The following UNC79 variants were observed in gnomAD, a reference collection of about 807,000 sequenced individuals.
The protein encoded by UNC79 is protein unc-79 homolog.
A neutral mutation model predicts 283.1 loss-of-function variants in UNC79; 37 were observed. The ratio of observed to expected loss-of-function variants is 0.13; its 90% CI spans 0.10 to 0.17. The LOEUF (loss-of-function observed/expected upper bound fraction) is 0.17. Ranked by LOEUF, UNC79 falls within the 10% of genes least tolerant of loss-of-function variation. The pLI is 1.00. For missense variants in UNC79, 2,272 were observed against 3,211.1 expected (o/e 0.71, Z 7.07); for synonymous variants, 1,107 against 1,200.2 (o/e 0.92, Z 1.61).
chr14:93,429,874 C>T (rs2055815557), upstream of UNC79, among the ~76,000 whole-genome samples: 1 of 152,176 alleles, frequency 6.6e-6, no homozygotes, highest in African/African-American at 2.4e-5. Flanking sequence ...GGTGACAGGG[C>T]AAGGTTTTAA....
intron 47 of UNC79, among the ~76,000 whole-genome samples, chr14:93,699,559 T>G (rs2075385076): frequency 6.6e-6 from 1 of 152,164 alleles, no homozygotes; most frequent in Non-Finnish European, 1.5e-5. Context: ...TTTAATTATC[T>G]TTTAGCTGTA....
In UNC79 at chr14:93,657,653, G is replaced by T. The variant is rs531361820; in HGVS notation, c.6457-1540G>T. ...GGCGTGAGCCAAAGCGCCCGGCTGA[G>T]GTATGGCAAATTTAAATGCCTGTGT... is the stretch of plus-strand genomic sequence containing the variant. On this transcript the variant is annotated intron_variant, in intron 38 of 48. Transcript: ENST00000555664. 1.8e-4 allele frequency among the ~76,000 whole-genome samples: 27 copies of T among 152,296 alleles called. No homozygotes were observed. In the South Asian group the frequency reaches 5.6e-3, roughly 32 times the overall value.
intron 1 of UNC79, among the ~76,000 whole-genome samples, chr14:93,402,693 G>A (rs1365302737): frequency 6.6e-6 from 1 of 152,032 alleles, no homozygotes; most frequent in Non-Finnish European, 1.5e-5. Flanking sequence ...AGAATTAGAG[G>A]TTCTGAAATA....
At chr14:93,456,776 TATC>T (rs2056807159) in intron 1 of UNC79, among the ~76,000 whole-genome samples, 5 of 152,174 alleles carry the variant, frequency 3.3e-5, no homozygotes, top group Admixed American at 3.3e-4. Context: ...GTGGGGCACA[TATC>T]ATCCTATAAC....
intron 1 of UNC79, among the ~76,000 whole-genome samples, chr14:93,363,408 C>T (rs2054264415): frequency 6.6e-6 from 1 of 152,126 alleles, no homozygotes; most frequent in African/African-American, 2.4e-5. Context: ...AAAGTATGTG[C>T]CATGTGCCTC....
At chr14:93,355,061 T>C in intron 1 of UNC79, among the ~76,000 whole-genome samples, 1 of 150,902 alleles carries the variant, frequency 6.6e-6, no homozygotes. Context: ...AGAGTTTCGC[T>C]CTTATCACCC....
chr14:93,337,513 T>C (rs1483462226), intron 1 of UNC79, among the ~76,000 whole-genome samples: 1 of 152,160 alleles, frequency 6.6e-6, no homozygotes, highest in Non-Finnish European at 1.5e-5. Flanking sequence ...ACCTGGGGAT[T>C]CCCCAACCCA....
intron 35 of UNC79, among the ~76,000 whole-genome samples, chr14:93,650,349 A>T (rs1224675828): frequency 1.3e-5 from 2 of 152,156 alleles, no homozygotes; most frequent in African/African-American, 4.8e-5. Context: ...GTTGGGTTAC[A>T]GGATAGGTAT....
chr14:93,569,460 TAAG>T (rs1030037548), intron 14 of UNC79, among the ~76,000 whole-genome samples: 9 of 151,994 alleles, frequency 5.9e-5, no homozygotes, highest in African/African-American at 2.2e-4. Context: ...AAATAAAAAA[TAAG>T]AGATTGCTGT....
chr14:93,673,735 G>A (rs994526640), intron 41 of UNC79, among the ~76,000 whole-genome samples: 4 of 152,108 alleles, frequency 2.6e-5, no homozygotes, highest in East Asian at 3.9e-4. Flanking sequence ...CAAGAAATGC[G>A]TGATCCAGTA....
chr14:93,642,653 A>C (rs2140221341), intron 33 of UNC79, among the ~76,000 whole-genome samples: 1 of 152,174 alleles, frequency 6.6e-6, no homozygotes, highest in South Asian at 2.1e-4. Context: ...CCAAGTCTTA[A>C]TCTTTCCTAT....
chr14:93,383,719 C>T (rs182088071), intron 1 of UNC79, among the ~76,000 whole-genome samples: 23 of 152,142 alleles, frequency 1.5e-4, no homozygotes, highest in African/African-American at 2.2e-4. Flanking sequence ...AGGCTGGGCA[C>T]GGTGGCTCAC....
intron 43 of UNC79, among the ~76,000 whole-genome samples, chr14:93,686,874 G>A (rs1472723170): frequency 6.6e-6 from 1 of 152,136 alleles, no homozygotes; most frequent in East Asian, 1.9e-4. Flanking sequence ...TCAGCCACAT[G>A]CATAGCTTTA....
intron 47 of UNC79, among the ~76,000 whole-genome samples, chr14:93,699,560 T>G (rs948530691): frequency 2.0e-5 from 3 of 152,158 alleles, no homozygotes; most frequent in Non-Finnish European, 4.4e-5. Context: ...TTAATTATCT[T>G]TTAGCTGTAT....
chr14:93,645,210 G>C (rs922804994), intron 34 of UNC79, among the ~76,000 whole-genome samples: 1 of 152,106 alleles, frequency 6.6e-6, no homozygotes, highest in Non-Finnish European at 1.5e-5. Context: ...TTTCAGTTTT[G>C]TTTCTTTTGT....
intron 12 of UNC79, among the ~76,000 whole-genome samples, chr14:93,539,328 C>CCG: frequency 6.7e-6 from 1 of 150,296 alleles, no homozygotes; most frequent in East Asian, 2.0e-4. Flanking sequence ...CGAGACCAGC[C>CCG]TGACCAACAT....
chr14:93,549,072 T>G (rs1300412339), intron 14 of UNC79, among the ~76,000 whole-genome samples: 1 of 152,150 alleles, frequency 6.6e-6, no homozygotes, highest in African/African-American at 2.4e-5. Flanking sequence ...TTGTAAAAAA[T>G]AAGAAGCTAA....
intron 37 of UNC79, 102 bp downstream of exon 40, chr14:93,654,127 G>C: frequency 1.3e-6 from 1 of 799,362 alleles, no homozygotes; most frequent in Non-Finnish European, 1.9e-6. Flanking sequence ...ATACTGCTGA[G>C]GAAGGATTGC....
At chr14:93,549,606 A>G (rs1007805001) in intron 14 of UNC79, among the ~76,000 whole-genome samples, 6 of 152,262 alleles carry the variant, frequency 3.9e-5, no homozygotes, top group Non-Finnish European at 8.8e-5. Flanking sequence ...AGATTAATTG[A>G]GCAAAGAACA....
Sources: allele counts gnomAD v4.1 joint callset (sites outside exome capture counted in the v4.1 genomes callset), GRCh38; gene constraint gnomAD v4.1.1; transcripts MANE v1.5; gene names NCBI Gene and HGNC (gene_info 2026-07-23, HGNC 2026-07-21).